UGT1A7: variants seen among roughly 807,000 people sequenced by gnomAD.
UGT1A7 encodes the protein UDP glucuronosyltransferase family 1 member A7, also known as UDP-glucuronosyltransferase 1A7.
UGT1A7 carries 33 observed loss-of-function variants against 45.6 expected under a neutral mutation model. The observed-to-expected ratio is 0.72, with a 90% confidence interval of 0.55 to 0.97. The LOEUF is 0.97. Ranked by LOEUF, UGT1A7 falls within the 50% of genes least tolerant of loss-of-function variation. The pLI, the probability that UGT1A7 is intolerant of heterozygous loss-of-function variation, is 0.00. For synonymous variants in UGT1A7, 274 were observed against 250.6 expected, an observed-to-expected ratio of 1.09 and a Z score of -0.88; for missense variants, 684 against 666.2, an observed-to-expected ratio of 1.03 and a Z score of -0.29.
chr2:233,705,947 G>A (rs1241175143), intron 1 of UGT1A7, among the ~76,000 whole-genome samples: 1 of 152,128 alleles, frequency 6.6e-6, no homozygotes, highest in Non-Finnish European at 1.5e-5. Context: ...AAATTAGCTG[G>A]GTGTGGAGGT....
intron 1 of UGT1A7, among the ~76,000 whole-genome samples, chr2:233,684,047 C>T (rs1428470134): frequency 1.1e-4 from 17 of 152,174 alleles, no homozygotes; most frequent in Admixed American, 1.0e-3. Context: ...CCAGGTGAAA[C>T]ACCTGGTGTC....
At chr2:233,753,891 G>C (rs2125923136) in intron 1 of UGT1A7, among the ~76,000 whole-genome samples, 1 of 152,280 alleles carries the variant, frequency 6.6e-6, no homozygotes, top group East Asian at 1.9e-4. Context: ...CCTTCAGAAG[G>C]AACATGCTTC....
Position 233,769,836 on chromosome 2 carries a change from C to T in UGT1A7, c.1295+1397C>T. ...TGCCACTGCACTCCAGCAACCTGGGCAACAGAGTGAGACCCTGTCTCAAAA... is the reference window on the plus strand; with the variant it reads ...TGCCACTGCACTCCAGCAACCTGGGTAACAGAGTGAGACCCTGTCTCAAAA... On this transcript the variant is annotated intron_variant, in intron 4 of 4. Coordinates refer to ENST00000373426, the MANE Select transcript of UGT1A7 (RefSeq NM_019077.3). This position sits in a 1 kb window ranked among gnomAD's most constrained non-coding sequence, Gnocchi z 4.4. 7.4e-6 allele frequency: 4 copies of T among 538,192 alleles called. No individual in the cohort carries two copies. The highest frequency in any genetic ancestry group is 1.1e-5 in the Non-Finnish European group (4 of 353,822). 33.3% of individuals were successfully genotyped at this position (538,192 alleles called of 1,614,324 possible).
At chr2:233,695,903 T>C (rs1451387957) in intron 1 of UGT1A7, among the ~76,000 whole-genome samples, 2 of 151,728 alleles carry the variant, frequency 1.3e-5, no homozygotes, top group African/African-American at 4.8e-5. Context: ...ATGTGTGGGG[T>C]TTTTTTTCTC....
chr2:233,713,183 G>A (rs2076288608), intron 1 of UGT1A7: 12 of 1,614,100 alleles, frequency 7.4e-6, no homozygotes, highest in Non-Finnish European at 1.0e-5. Flanking sequence ...TCACCCTGGA[G>A]GTGAATATGT....
intron 1 of UGT1A7, chr2:233,719,255 C>T (rs1240913089): frequency 2.5e-6 from 4 of 1,614,024 alleles, no homozygotes; most frequent in Non-Finnish European, 3.4e-6. Flanking sequence ...ATGCTACTTC[C>T]TTTGATGTGG....
chr2:233,686,769 A>C (rs1014972811), intron 1 of UGT1A7, among the ~76,000 whole-genome samples: 3 of 152,078 alleles, frequency 2.0e-5, no homozygotes, highest in Non-Finnish European at 4.4e-5. Context: ...TATTTTATGC[A>C]ACACTCCAAC....
At chr2:233,695,130 C>CTTTCTT (rs1364557158) in intron 1 of UGT1A7, among the ~76,000 whole-genome samples, 6 of 138,838 alleles carry the variant, frequency 4.3e-5, no homozygotes, top group Non-Finnish European at 7.7e-5. Flanking sequence ...CTTTTCTTTT[C>CTTTCTT]TTTTTTTTTT....
At chr2:233,731,543 TC>T (rs2078176266) in intron 1 of UGT1A7, among the ~76,000 whole-genome samples, 2 of 152,228 alleles carry the variant, frequency 1.3e-5, no homozygotes, top group South Asian at 4.1e-4. Context: ...TGTTTGGTTT[TC>T]TGTCCATGTG....
rs1035578503 is a variant in UGT1A7 at position 233,760,453 on chromosome 2, G to C, written c.856-6581G>C. 3 of 1,614,120 alleles carry C rather than the reference G, an allele frequency of 1.9e-6. No individual in the cohort carries two copies. The African/African-American group carries it at 4.0e-5, about 22-fold the overall frequency. ...CCAGCAGCTGCAGCAGAGGGGACAT[G>C]AAATAGTTGTCCTAGCACCTGACGC... On this transcript the variant is annotated intron_variant, in intron 1 of 4. Transcript: ENST00000373426.
intron 1 of UGT1A7, chr2:233,729,425 A>G (rs1461557828): frequency 6.2e-7 from 1 of 1,613,834 alleles, no homozygotes. Flanking sequence ...ACTCAACTGT[A>G]CTTTGAAACA....
At chr2:233,716,161 G>A (rs1487983369) in intron 1 of UGT1A7, among the ~76,000 whole-genome samples, 1 of 152,116 alleles carries the variant, frequency 6.6e-6, no homozygotes, top group Non-Finnish European at 1.5e-5. Context: ...CCATGGAGAT[G>A]CAGTGCAGCA....
chr2:233,688,620 G>A (rs2074905947), intron 1 of UGT1A7, among the ~76,000 whole-genome samples: 1 of 152,148 alleles, frequency 6.6e-6, no homozygotes, highest in South Asian at 2.1e-4. Flanking sequence ...CAGCAAACAT[G>A]AGTTCGTCTT....
chr2:233,760,714 A>G, intron 1 of UGT1A7: 1 of 1,614,210 alleles, frequency 6.2e-7, no homozygotes, highest in Non-Finnish European at 8.5e-7. Flanking sequence ...CCTGGCAGAA[A>G]GCAGCTTTGA....
In UGT1A7 at chr2:233,730,352, T is replaced by A. The variant is rs190569786; in HGVS notation, c.856-36682T>A. On this transcript the variant is annotated intron_variant, in intron 1 of 4. Coordinates refer to ENST00000373426, the MANE Select transcript of UGT1A7 (RefSeq NM_019077.3). ...ACGTTTGGAACTGATCCATCCTGGA[T>A]TTTTTGCTAGCATGATTTTCAGGGG... 3.3e-5 allele frequency among the ~76,000 whole-genome samples: 5 copies of A among 152,298 alleles called. No homozygotes were observed. The East Asian group carries it at 9.6e-4, about 29-fold the overall frequency.
chr2:233,710,730 G>A (rs192565787), intron 1 of UGT1A7, among the ~76,000 whole-genome samples: 135 of 152,220 alleles, frequency 8.9e-4, no homozygotes, highest in East Asian at 8.5e-3. Context: ...AAAAAACAAC[G>A]TCTTTCAAGG....
chr2:233,688,675 A>T (rs10173355), intron 1 of UGT1A7, among the ~76,000 whole-genome samples: 45,631 of 152,028 alleles, frequency 0.3, 7,184 homozygotes, highest in South Asian at 0.4. Context: ...GCTCTTTTTT[A>T]AAAAATTTAA....
intron 1 of UGT1A7, chr2:233,742,915 T>C (rs558840772): frequency 5.4e-6 from 1 of 183,798 alleles, no homozygotes; most frequent in East Asian, 1.4e-4. Flanking sequence ...ATGCTCAAAG[T>C]GCTGAACTGA....
At chr2:233,750,699 C>T (rs1694542281) in intron 1 of UGT1A7, 1 of 151,888 alleles carries the variant, frequency 6.6e-6, no homozygotes, top group South Asian at 2.1e-4. Context: ...TAAAAGAGGC[C>T]AAGGTAGAGC....
Sources: gnomAD v4.1 joint callset for allele counts (sites outside exome capture counted in the v4.1 genomes callset) on GRCh38, gnomAD v4.1.1 for gene constraint, Gnocchi (gnomAD v3.1) non-coding constraint, MANE v1.5 for transcripts, NCBI Gene and HGNC (gene_info 2026-07-23, HGNC 2026-07-21) for gene names.